The following LRRC40 variants were observed in gnomAD, a reference collection of about 807,000 sequenced individuals.
The protein encoded by LRRC40 is leucine rich repeat containing 40, also known as leucine-rich repeat-containing protein 40.
Under a neutral mutation model 72.8 loss-of-function variants are expected in LRRC40, and 76 were observed. The observed-to-expected ratio is 1.04, with a 90% CI of 0.87 to 1.26. The LOEUF is 1.26. LRRC40 is among the 50% of genes most tolerant of loss of function. The pLI is 0.00. For missense variants in LRRC40, 684 were observed against 698.9 expected, an observed-to-expected ratio of 0.98 and a Z score of 0.24; for synonymous variants, 243 against 254.2, an observed-to-expected ratio of 0.96 and a Z score of 0.42.
chr1:70,176,027 T>G (rs774459429), intron 6 of LRRC40, 45 bp from the exon 7 acceptor site: 1 of 1,196,750 alleles, frequency 8.4e-7, no homozygotes, highest in Non-Finnish European at 1.1e-6. Context: ...TATTCAATTT[T>G]ATAGTAGATA....
intron 1 of LRRC40, among the ~76,000 whole-genome samples, chr1:70,192,575 C>G (rs1263589691): frequency 6.6e-6 from 1 of 152,096 alleles, no homozygotes; most frequent in East Asian, 1.9e-4. Flanking sequence ...AAATGCCCAT[C>G]ACTGACAGAC....
chr1:70,168,781 AT>A (rs1667941855), intron 9 of LRRC40, among the ~76,000 whole-genome samples: 1 of 152,224 alleles, frequency 6.6e-6, no homozygotes, highest in African/African-American at 2.4e-5. Context: ...TCAGGGGCAC[AT>A]TATAATGGAA....
intron 14 of LRRC40, among the ~76,000 whole-genome samples, chr1:70,146,267 T>C (rs1221112095): frequency 2.0e-5 from 3 of 152,078 alleles, no homozygotes; most frequent in Admixed American, 6.5e-5. Flanking sequence ...TCAAGTAATC[T>C]GCCCGCCTCA....
chr1:70,196,393 C>A (rs1668610162), intron 1 of LRRC40, among the ~76,000 whole-genome samples: 1 of 151,810 alleles, frequency 6.6e-6, no homozygotes. Flanking sequence ...CTATTAAAAA[C>A]AAAAAAATTA....
chr1:70,163,260 T>A (rs1046943970), intron 9 of LRRC40, among the ~76,000 whole-genome samples: 1 of 152,150 alleles, frequency 6.6e-6, no homozygotes, highest in Non-Finnish European at 1.5e-5. Flanking sequence ...AGCTAATTGC[T>A]GTATTTTTAG....
rs533977022 is a variant in LRRC40, at chr1:70,163,751, C to T, written c.1112-4313G>A. 7.9e-5 allele frequency among the ~76,000 whole-genome samples: 12 copies of T among 152,122 alleles called. No homozygotes were observed. In the East Asian group the frequency reaches 9.7e-4, roughly 12 times the overall value. The stretch of plus-strand genomic sequence containing the variant: ...TAGCATAGCTAGATGATCCTGGTGA[C>T]GGAGCAAGAAATTAAACTCAGAACA... On this transcript the variant is annotated intron_variant, in intron 9 of 14. Transcript: ENST00000370952.
At chr1:70,165,801 A>G (rs1448620498) in intron 9 of LRRC40, among the ~76,000 whole-genome samples, 3 of 152,162 alleles carry the variant, frequency 2.0e-5, no homozygotes, top group Non-Finnish European at 4.4e-5. Context: ...TTACCCCAAA[A>G]TCCAGATTTA....
intron 4 of LRRC40, 67 bp downstream of exon 4, chr1:70,184,718 A>G (rs1319827821): frequency 2.8e-6 from 4 of 1,434,014 alleles, no homozygotes; most frequent in Non-Finnish European, 3.8e-6. Flanking sequence ...ATCTATCTTA[A>G]TTTCTCAGCC....
chr1:70,167,586 T>A (rs1219761037), intron 9 of LRRC40, among the ~76,000 whole-genome samples: 1 of 151,904 alleles, frequency 6.6e-6, no homozygotes, highest in Non-Finnish European at 1.5e-5. Flanking sequence ...CAAAAAATAA[T>A]AATAATTTAA....
Position 70,195,644 on chromosome 1 carries a change from GT to G in LRRC40, c.152-6372del, listed in dbSNP as rs548963792. Among the ~76,000 whole-genome samples, 67 of 152,142 alleles carry G rather than the reference GT, an allele frequency of 4.4e-4. No individual in the cohort carries two copies. In the East Asian group the frequency reaches 5.0e-3, roughly 11 times the overall value. On this transcript the variant is annotated intron_variant, in intron 1 of 14. Coordinates refer to ENST00000370952, the MANE Select transcript of LRRC40 (RefSeq NM_017768.5). ...ATAATGTTAAATAAATACTTTTTGG[GT>G]TTTTTTGAGACAGGGTCTCACTTTC...
At chr1:70,183,452 C>T (rs61785269) in intron 4 of LRRC40, among the ~76,000 whole-genome samples, 28,125 of 151,728 alleles carry the variant, frequency 0.19, 2,868 homozygotes, top group East Asian at 0.36. Flanking sequence ...AATTGACTTA[C>T]ACTCAAATTC....
At chr1:70,161,251 A>AT (rs1379631914) in intron 9 of LRRC40, among the ~76,000 whole-genome samples, 1 of 150,938 alleles carries the variant, frequency 6.6e-6, no homozygotes, top group East Asian at 2.0e-4. Context: ...CGCCCAGCTA[A>AT]TTTTTTGTAT....
chr1:70,172,882 T>C (rs1668027923), intron 9 of LRRC40, among the ~76,000 whole-genome samples: 1 of 152,166 alleles, frequency 6.6e-6, no homozygotes, highest in East Asian at 1.9e-4. Context: ...ATAGCACTCG[T>C]ACAACTACTT....
chr1:70,172,592 T>C (rs1668021783), intron 9 of LRRC40, among the ~76,000 whole-genome samples: 1 of 152,164 alleles, frequency 6.6e-6, no homozygotes, highest in South Asian at 2.1e-4. Context: ...CTCTAACTGA[T>C]TCATGACAGA....
intron 5 of LRRC40, 77 bp from the exon 6 acceptor site, chr1:70,179,070 G>A: frequency 1.2e-6 from 1 of 846,176 alleles, no homozygotes; most frequent in Non-Finnish European, 1.7e-6. Flanking sequence ...TTTAAAGAAT[G>A]TGTAAGAAAT....
chr1:70,200,172 A>G (rs1668704704), intron 1 of LRRC40, among the ~76,000 whole-genome samples: 1 of 152,234 alleles, frequency 6.6e-6, no homozygotes, highest in South Asian at 2.1e-4. Flanking sequence ...CAATGTAGAA[A>G]TATCAGGAAT....
chr1:70,176,702 G>A (rs1183645276), intron 6 of LRRC40, among the ~76,000 whole-genome samples: 1 of 151,484 alleles, frequency 6.6e-6, no homozygotes, highest in African/African-American at 2.4e-5. Context: ...AAACTGTGAG[G>A]GTCCACTTTT....
intron 1 of LRRC40, among the ~76,000 whole-genome samples, chr1:70,194,044 C>A (rs1668557598): frequency 6.6e-6 from 1 of 152,020 alleles, no homozygotes; most frequent in African/African-American, 2.4e-5. Flanking sequence ...GATGCCCATT[C>A]TCACTACTTT....
intron 1 of LRRC40, among the ~76,000 whole-genome samples, chr1:70,195,588 T>C (rs1668590864): frequency 6.6e-6 from 1 of 152,150 alleles, no homozygotes; most frequent in African/African-American, 2.4e-5. Flanking sequence ...CTCTCATATG[T>C]TGCTAGTGGG....
Sources: gnomAD v4.1 joint callset for allele counts (sites outside exome capture counted in the v4.1 genomes callset) on GRCh38, gnomAD v4.1.1 for gene constraint, MANE v1.5 for transcripts, NCBI Gene and HGNC (gene_info 2026-07-23, HGNC 2026-07-21) for gene names.